The following GRM1 variants were observed in gnomAD, a reference collection of about 807,000 sequenced individuals.
GRM1 encodes the protein metabotropic glutamate receptor 1.
Under a neutral mutation model 90.9 loss-of-function variants are expected in GRM1, and 33 were observed. The ratio of observed to expected loss-of-function variants is 0.36; its 90% CI spans 0.28 to 0.49. The LOEUF (loss-of-function observed/expected upper bound fraction) is 0.49. Among genes scored for constraint, GRM1 ranks in the 20% least tolerant of loss-of-function variants. The pLI, the probability that GRM1 is intolerant of heterozygous loss-of-function variation, is 0.99. For synonymous variants in GRM1, 700 were observed against 613.2 expected, an observed-to-expected ratio of 1.14 and a Z score of -2.09; for missense variants, 1,190 against 1,534.3, an observed-to-expected ratio of 0.78 and a Z score of 3.75.
At chr6:146,235,109 G>A (rs914190597) in intron 2 of GRM1, among the ~76,000 whole-genome samples, 1 of 151,954 alleles carries the variant, frequency 6.6e-6, no homozygotes, top group Non-Finnish European at 1.5e-5. Flanking sequence ...GTGCAGGTCT[G>A]CTGGCAATGA....
chr6:146,433,132 A>G (rs1778472732), intron 7 of GRM1, among the ~76,000 whole-genome samples: 1 of 152,180 alleles, frequency 6.6e-6, no homozygotes, highest in Non-Finnish European at 1.5e-5. Context: ...CAATGTTCCT[A>G]GAGTGAAAAT....
chr6:146,371,535 C>T (rs950679583), intron 5 of GRM1, among the ~76,000 whole-genome samples: 1 of 151,920 alleles, frequency 6.6e-6, no homozygotes, highest in East Asian at 1.9e-4. Context: ...CTATAGTCAC[C>T]CTACGGTGCT....
At chr6:146,318,844 G>A (rs893029890) in intron 3 of GRM1, among the ~76,000 whole-genome samples, 46 of 151,854 alleles carry the variant, frequency 3.0e-4, no homozygotes, top group Non-Finnish European at 2.9e-5. Flanking sequence ...CTTTTTGATG[G>A]GGTTGTTTTT....
intron 1 of GRM1, among the ~76,000 whole-genome samples, chr6:146,069,604 C>T (rs1470876107): frequency 6.6e-6 from 1 of 152,120 alleles, no homozygotes; most frequent in Non-Finnish European, 1.5e-5. Flanking sequence ...TTCAAAAAGT[C>T]CATGAGTTAA....
intron 7 of GRM1, among the ~76,000 whole-genome samples, chr6:146,424,388 A>C (rs1778119637): frequency 6.6e-6 from 1 of 152,146 alleles, no homozygotes; most frequent in Non-Finnish European, 1.5e-5. Context: ...AGGGGCAGGT[A>C]GTGGGAGGCT....
At chr6:146,389,787 G>A (rs1011319580) in intron 6 of GRM1, among the ~76,000 whole-genome samples, 1 of 151,826 alleles carries the variant, frequency 6.6e-6, no homozygotes. Context: ...TTATCTTTAG[G>A]GTCTTTCACA....
At chr6:146,100,718 A>T (rs1489260782) in intron 1 of GRM1, among the ~76,000 whole-genome samples, 1 of 152,162 alleles carries the variant, frequency 6.6e-6, no homozygotes, top group Non-Finnish European at 1.5e-5. Context: ...TGGCCTTTTT[A>T]ACATACATAT....
At position 146,189,617 on chromosome 6, in the gene GRM1, A is replaced by G. The variant is rs142931289; in HGVS notation, c.950+30020A>G. ...AGTCATTTACATTCTCCTCATTAAT[A>G]AAAACCTTCAGTACAAGTGAAGATA... is the stretch of plus-strand genomic sequence containing the variant. On this transcript the variant is annotated intron_variant, in intron 2 of 7. Coordinates refer to ENST00000282753, the MANE Select transcript of GRM1 (RefSeq NM_001278064.2). Among the ~76,000 whole-genome samples the G allele has an allele frequency of 3.9e-5, 6 of 152,318 alleles. No homozygotes were observed. In the East Asian group the frequency reaches 1.2e-3, roughly 29 times the overall value.
chr6:146,227,145 TA>T, intron 2 of GRM1, among the ~76,000 whole-genome samples: 1 of 152,160 alleles, frequency 6.6e-6, no homozygotes, highest in Non-Finnish European at 1.5e-5. Context: ...AACATATAAA[TA>T]TCTAAAATAT....
intron 1 of GRM1, among the ~76,000 whole-genome samples, chr6:146,147,802 A>AT (rs1317387539): frequency 3.3e-5 from 5 of 151,954 alleles, no homozygotes; most frequent in Admixed American, 1.3e-4. Context: ...AGTCCTGTAT[A>AT]TTTTTTCTTA....
rs768139664 is a variant in GRM1, at chr6:146,188,236, C to G, written c.950+28639C>G. ...CTTTTCTTTCAAATCCATCCTTTAT[C>G]CTACCGTTAAATCATTCTGTCTACA... On this transcript the variant is annotated intron_variant, in intron 2 of 7. Coordinates refer to ENST00000282753, the MANE Select transcript of GRM1 (RefSeq NM_001278064.2). Among the ~76,000 whole-genome samples the G allele has an allele frequency of 2.0e-5, 3 of 152,148 alleles. No homozygotes were observed. In the East Asian group the frequency reaches 5.8e-4, roughly 29 times the overall value.
chr6:146,345,101 A>T (rs576814130), intron 3 of GRM1, among the ~76,000 whole-genome samples: 2 of 152,298 alleles, frequency 1.3e-5, no homozygotes, highest in East Asian at 3.9e-4. Flanking sequence ...GTAAGCCACC[A>T]AGCCCAGCCA....
intron 1 of GRM1, among the ~76,000 whole-genome samples, chr6:146,063,815 A>C (rs1023928816): frequency 6.6e-6 from 1 of 152,138 alleles, no homozygotes; most frequent in Non-Finnish European, 1.5e-5. Flanking sequence ...CACACATATC[A>C]GAATCATTGC....
chr6:146,338,570 G>C (rs1054556169), intron 3 of GRM1, among the ~76,000 whole-genome samples: 1 of 152,160 alleles, frequency 6.6e-6, no homozygotes, highest in African/African-American at 2.4e-5. Flanking sequence ...ACACCATCTA[G>C]CAGATAAGGC....
At chr6:146,388,118 T>C (rs1167290824) in intron 6 of GRM1, among the ~76,000 whole-genome samples, 2 of 152,060 alleles carry the variant, frequency 1.3e-5, no homozygotes, top group East Asian at 3.9e-4. Flanking sequence ...AGAGGAGAAA[T>C]GATTCATAAA....
intron 2 of GRM1, among the ~76,000 whole-genome samples, chr6:146,221,356 C>T (rs531761875): frequency 2.6e-5 from 4 of 152,176 alleles, no homozygotes; most frequent in Admixed American, 1.3e-4. Context: ...GCCTCCCACC[C>T]GCTGACAGGC....
chr6:146,196,436 C>A (rs544665977), intron 2 of GRM1, among the ~76,000 whole-genome samples: 2 of 150,948 alleles, frequency 1.3e-5, no homozygotes, highest in Non-Finnish European at 3.0e-5. Flanking sequence ...TACAGGCACC[C>A]GCCACCATGC....
chr6:146,044,052 T>C (rs1240393551), intron 1 of GRM1, among the ~76,000 whole-genome samples: 2 of 151,844 alleles, frequency 1.3e-5, no homozygotes, highest in African/African-American at 4.8e-5. Context: ...CTTTCTTGGC[T>C]CAGATGCTCA....
At chr6:146,094,742 A>C (rs1776821980) in intron 1 of GRM1, among the ~76,000 whole-genome samples, 1 of 152,064 alleles carries the variant, frequency 6.6e-6, no homozygotes, top group African/African-American at 2.4e-5. Context: ...AATAATCAAT[A>C]CTCATTAGAT....
Sources: allele counts gnomAD v4.1 joint callset (sites outside exome capture counted in the v4.1 genomes callset), GRCh38; gene constraint gnomAD v4.1.1; transcripts MANE v1.5; gene names NCBI Gene and HGNC (gene_info 2026-07-23, HGNC 2026-07-21).